ACTN1: variants seen among roughly 807,000 people sequenced by gnomAD.
ACTN1 encodes the protein alpha-actinin-1.
A neutral mutation model predicts 119.6 loss-of-function variants in ACTN1; 30 were observed. The ratio of observed to expected loss-of-function variants is 0.25; its 90% CI spans 0.19 to 0.34. The LOEUF (loss-of-function observed/expected upper bound fraction) is 0.34, where lower values mean the gene tolerates loss of function less well. Ranked by LOEUF, ACTN1 falls within the 10% of genes least tolerant of loss-of-function variation. The pLI is 1.00. For synonymous variants in ACTN1, 429 were observed against 472.6 expected (o/e 0.91, Z 1.20); for missense variants, 764 against 1,223.4 (o/e 0.62, Z 5.60).
chr14:68,899,427 CCA>C lies in ACTN1; in HGVS notation c.762+3048_762+3049del, dbSNP rs1481924312. 6.0e-5 allele frequency among the ~76,000 whole-genome samples: 9 copies of C among 150,114 alleles called. No individual in the cohort carries two copies. In the East Asian group the frequency reaches 1.8e-3, roughly 29 times the overall value. On this transcript the variant is annotated intron_variant, in intron 8 of 21. Coordinates refer to ENST00000394419, the MANE Select transcript of ACTN1 (RefSeq NM_001130004.2). ...ACTACACCCTTCCACACCACATTCC[CCA>C]CACCCCCCAGACACACACCTTACAC... is the stretch of plus-strand genomic sequence containing the variant.
At position 68,892,254 on chromosome 14, in the gene ACTN1, C is replaced by T. The variant is rs139710798; in HGVS notation, c.885G>A (p.Pro295=). 8.8e-4 allele frequency: 1,415 copies of T among 1,613,596 alleles called. 20 individuals carry two copies. In the South Asian group the frequency reaches 9.0e-3, roughly 10 times the overall value. The part of the protein sequence containing the change: ...DLLEWIRRTI[P]WLENRVPENT... Reference sequence around the variant, plus strand: ...TCTCGGGCACCCGGTTCTCCAGCCACGGGATTGTGCGGCGGATCCACTCCA... The same window carrying T: ...TCTCGGGCACCCGGTTCTCCAGCCATGGGATTGTGCGGCGGATCCACTCCA... The change falls in exon 10 of 22, where the codon CCG becomes CCA. Residue 295 remains proline (P), a synonymous_variant. Coordinates refer to ENST00000394419, the MANE Select transcript of ACTN1 (RefSeq NM_001130004.2).
chr14:68,978,395 C>T (rs2140735913), intron 1 of ACTN1: 1 of 363,420 alleles, frequency 2.8e-6, no homozygotes, highest in African/African-American at 2.1e-5. Context: ...CCAGCTGGTC[C>T]TTCTCCAGGC....
intron 1 of ACTN1, among the ~76,000 whole-genome samples, chr14:68,975,758 T>A (rs1224069329): frequency 2.0e-5 from 3 of 152,186 alleles, no homozygotes; most frequent in Non-Finnish European, 4.4e-5. Context: ...GGAAGATAAC[T>A]GCATTTTGTG....
chr14:68,895,132 G>A (rs1008001812), intron 8 of ACTN1, among the ~76,000 whole-genome samples: 15 of 152,122 alleles, frequency 9.9e-5, no homozygotes, highest in Admixed American at 4.6e-4. Context: ...GTGTCAGAAT[G>A]GGTTGGGAGA....
At chr14:68,958,284 A>G (rs1369814272) in intron 1 of ACTN1, among the ~76,000 whole-genome samples, 2 of 152,206 alleles carry the variant, frequency 1.3e-5, no homozygotes, top group African/African-American at 2.4e-5. Context: ...CGTTTGAGGC[A>G]GAGGAAAATC....
chr14:68,896,386 G>C (rs1189160680), intron 8 of ACTN1, among the ~76,000 whole-genome samples: 1 of 152,096 alleles, frequency 6.6e-6, no homozygotes, highest in African/African-American at 2.4e-5. Flanking sequence ...TGAGAAGTAA[G>C]ATGAGGTCAG....
Position 68,883,111 on chromosome 14 carries a change from G to A in ACTN1, c.1636-56C>T, listed in dbSNP as rs189124025. On this transcript the variant is annotated intron_variant, in intron 14 of 21. Transcript: ENST00000394419. ...GGAACAAAGGGAGCGCTAGAAGTGA[G>A]TGGAAGGGCCATGGAGGTTGAGTTC... The A allele has an allele frequency of 7.0e-6, 11 of 1,569,826 alleles. No individual in the cohort carries two copies. The East Asian group carries it at 2.5e-4, about 35-fold the overall frequency.
rs867074953 is a variant in ACTN1, at chr14:68,979,254, G to C, written c.-198C>G. ...CGGCGACAGCGGCGGCTGGGCTCGC[G>C]GACTGCCTGCCTCTGGGCGGGCGCT... On this transcript the variant is annotated 5_prime_UTR_variant, in exon 1 of 22. Transcript: ENST00000394419. 2.3e-6 allele frequency: 1 copy of C among 432,954 alleles called. No individual in the cohort carries two copies. Among genetic ancestry groups the C allele is most frequent in the African/African-American group, 2.1e-5 (1 of 47,132 alleles). The allele number at this position is 432,954 out of a possible 1,614,324, so 26.8% of individuals were successfully genotyped here. A position where few individuals can be genotyped will look rare whatever the true frequency, so the allele number is the denominator to read the frequency against.
chr14:68,899,036 CACAT>C (rs2033090997), intron 8 of ACTN1, among the ~76,000 whole-genome samples: 2 of 143,422 alleles, frequency 1.4e-5, no homozygotes, highest in African/African-American at 5.4e-5. Flanking sequence ...CACACACACA[CACAT>C]GCCACACCTC....
chr14:68,914,338 C>T (rs1199574644), intron 3 of ACTN1, among the ~76,000 whole-genome samples: 2 of 152,086 alleles, frequency 1.3e-5, no homozygotes, highest in Admixed American at 6.5e-5. Context: ...AAATACTAAA[C>T]TCTCAATAAA....
intron 8 of ACTN1, among the ~76,000 whole-genome samples, chr14:68,901,731 C>A (rs993265302): frequency 6.6e-6 from 1 of 152,154 alleles, no homozygotes; most frequent in African/African-American, 2.4e-5. Context: ...TCTTCAATGT[C>A]CACAGCATGG....
chr14:68,894,020 G>C (rs1420488037), intron 8 of ACTN1, among the ~76,000 whole-genome samples: 2 of 152,156 alleles, frequency 1.3e-5, no homozygotes, highest in Non-Finnish European at 2.9e-5. Flanking sequence ...CAACCTGCAG[G>C]TTGGGAAGAA....
At chr14:68,973,488 C>A (rs566787552) in intron 1 of ACTN1, among the ~76,000 whole-genome samples, 1 of 152,178 alleles carries the variant, frequency 6.6e-6, no homozygotes, top group Non-Finnish European at 1.5e-5. Flanking sequence ...CTTCCCCTTC[C>A]GCCATGATTT....
rs758086350 is a variant in ACTN1, at chr14:68,884,766, A to T, written c.1494+9T>A. 6.2e-7 allele frequency: 1 copy of T among 1,601,824 alleles called. No homozygotes were observed. The highest frequency in any genetic ancestry group is 8.6e-7 in the Non-Finnish European group (1 of 1,168,978). ...ATATGGGCCTAGATCTCCCTCTGGG[A>T]CCTCTCACCTCCAGAGCTTCCCTTC... On this transcript the variant is annotated intron_variant, in intron 13 of 21. Transcript: ENST00000394419.
At chr14:68,898,350 T>C (rs958344114) in intron 8 of ACTN1, among the ~76,000 whole-genome samples, 5 of 152,194 alleles carry the variant, frequency 3.3e-5, no homozygotes, top group African/African-American at 9.7e-5. Flanking sequence ...CAGCAGTTGG[T>C]CCTCATCTAA....
chr14:68,926,863 T>C (rs959167555), intron 1 of ACTN1, among the ~76,000 whole-genome samples: 3 of 151,910 alleles, frequency 2.0e-5, no homozygotes, highest in African/African-American at 4.8e-5. Context: ...GGAAAAGAAA[T>C]AGCTGCTTAG....
At chr14:68,891,668 T>C (rs1421900918) in intron 10 of ACTN1, among the ~76,000 whole-genome samples, 4 of 152,224 alleles carry the variant, frequency 2.6e-5, no homozygotes, top group Admixed American at 2.0e-4. Flanking sequence ...AATAATAATA[T>C]TTTTTAACTA....
chr14:68,916,496 C>T (rs2034302040), intron 3 of ACTN1, among the ~76,000 whole-genome samples: 1 of 152,230 alleles, frequency 6.6e-6, no homozygotes, highest in Non-Finnish European at 1.5e-5. Flanking sequence ...CAAGCACGAG[C>T]ATAGAGAGTA....
rs2032544532 is a variant in ACTN1, at chr14:68,892,207, T to G, written c.932A>C (p.Gln311Pro). 1 of 1,614,196 alleles carries G rather than the reference T, an allele frequency of 6.2e-7. No homozygotes were observed. Among genetic ancestry groups the G allele is most frequent in the Admixed American group, 1.7e-5 (1 of 60,026 alleles). Residue 311 changes from glutamine (Q) to proline (P), a missense_variant, in exon 10 of 22, where the codon CAG (glutamine) becomes CCG (proline). Transcript: ENST00000394419. Reference sequence around the variant, plus strand: ...GTAGTCCCGGAAGTCCTCCAGCTTCTGTTGCATGGCATGCATGGTGTTCTC... The same window carrying G: ...GTAGTCCCGGAAGTCCTCCAGCTTCGGTTGCATGGCATGCATGGTGTTCTC... ...VPENTMHAMQ[Q>P]KLEDFRDYRR...
Sources: gnomAD v4.1 joint callset for allele counts (sites outside exome capture counted in the v4.1 genomes callset) on GRCh38, gnomAD v4.1.1 for gene constraint, MANE v1.5 for transcripts, NCBI Gene and HGNC (gene_info 2026-07-23, HGNC 2026-07-21) for gene names.